TMEM38B: variants seen among roughly 807,000 people sequenced by gnomAD.
TMEM38B encodes trimeric intracellular cation channel type B.
TMEM38B carries 24 observed loss-of-function variants against 28.7 expected under a neutral mutation model. The ratio of observed to expected loss-of-function variants is 0.84; its 90% CI spans 0.61 to 1.18. The LOEUF is 1.18. Ranked by LOEUF, TMEM38B falls within the 50% of genes most tolerant of loss-of-function variation. TMEM38B has a pLI of 0.00. For missense variants in TMEM38B, 380 were observed against 350.9 expected, an observed-to-expected ratio of 1.08 and a Z score of -0.66; for synonymous variants, 131 against 127.7, an observed-to-expected ratio of 1.03 and a Z score of -0.17.
chr9:105,775,633 T>G lies in TMEM38B; in HGVS notation c.*1553T>G, dbSNP rs1275485710. On this transcript the variant is annotated 3_prime_UTR_variant, in exon 6 of 6. Coordinates refer to ENST00000374692, the MANE Select transcript of TMEM38B (RefSeq NM_018112.3). Reference sequence around the variant, plus strand: ...TATTTTTAATATTGTGACAGAAAGCTTTAAGTATTTAAGAGCTCTGTATTA... The same window carrying G: ...TATTTTTAATATTGTGACAGAAAGCGTTAAGTATTTAAGAGCTCTGTATTA... 2.0e-5 allele frequency: 3 copies of G among 152,096 alleles called. No homozygotes were observed. The highest frequency in any genetic ancestry group is 4.4e-5 in the Non-Finnish European group (3 of 68,006). 9.4% of individuals were successfully genotyped at this position (152,096 alleles called of 1,614,324 possible).
chr9:105,721,764 G>A (rs1444326785), intron 3 of TMEM38B, 43 bp downstream of exon 3: 3 of 1,442,838 alleles, frequency 2.1e-6, no homozygotes, highest in Non-Finnish European at 1.9e-6. Context: ...TGTTGTTGGT[G>A]TATTATTAAT....
chr9:105,770,361 A>G (rs1344555829), intron 5 of TMEM38B, among the ~76,000 whole-genome samples: 3 of 152,154 alleles, frequency 2.0e-5, no homozygotes, highest in East Asian at 3.9e-4. Flanking sequence ...TTTTTAATAT[A>G]TATTTGTTGA....
At chr9:105,695,142 T>G (rs924477024) in intron 1 of TMEM38B, among the ~76,000 whole-genome samples, 2 of 143,384 alleles carry the variant, frequency 1.4e-5, no homozygotes, top group Admixed American at 1.3e-4. Flanking sequence ...TTGGGCGGCC[T>G]CCTCGCGGTA....
intron 5 of TMEM38B, among the ~76,000 whole-genome samples, chr9:105,763,559 T>G (rs1426743823): frequency 1.3e-5 from 2 of 151,968 alleles, no homozygotes; most frequent in Non-Finnish European, 2.9e-5. Context: ...GAATAGACAA[T>G]AACAGGAGCT....
At chr9:105,748,421 G>C (rs1399072198) in intron 5 of TMEM38B, among the ~76,000 whole-genome samples, 1 of 152,176 alleles carries the variant, frequency 6.6e-6, no homozygotes, top group Non-Finnish European at 1.5e-5. Context: ...AGATAGCCTA[G>C]TAGTATATTG....
At chr9:105,705,851 G>GC in intron 2 of TMEM38B, 98 bp downstream of exon 2, 1 of 1,315,840 alleles carries the variant, frequency 7.6e-7, no homozygotes, top group Non-Finnish European at 1.0e-6. Context: ...TATTTTACGT[G>GC]CTTGAAAAGT....
intron 4 of TMEM38B, among the ~76,000 whole-genome samples, chr9:105,747,772 T>C (rs1837476797): frequency 6.6e-6 from 1 of 152,166 alleles, no homozygotes; most frequent in Admixed American, 6.5e-5. Context: ...TTCTGGTATG[T>C]TGTGTCGTTG....
intron 3 of TMEM38B, among the ~76,000 whole-genome samples, chr9:105,721,981 T>A (rs932039546): frequency 6.6e-6 from 1 of 152,212 alleles, no homozygotes; most frequent in Non-Finnish European, 1.5e-5. Flanking sequence ...ACCAGAAAGA[T>A]TTATAGTTAA....
intron 2 of TMEM38B, among the ~76,000 whole-genome samples, chr9:105,707,849 A>G (rs1242752262): frequency 6.6e-6 from 1 of 152,172 alleles, no homozygotes; most frequent in Non-Finnish European, 1.5e-5. Context: ...ACCATCTCTT[A>G]AAGTGTAGTC....
At chr9:105,724,672 A>G (rs1251559315) in intron 4 of TMEM38B, among the ~76,000 whole-genome samples, 3 of 152,086 alleles carry the variant, frequency 2.0e-5, no homozygotes, top group African/African-American at 7.2e-5. Flanking sequence ...GTGATGAAGT[A>G]CATTTGTGTG....
At position 105,721,687 on chromosome 9, in the gene TMEM38B, C is replaced by CT. The variant is rs1458477943; in HGVS notation, c.421dup (p.Trp141LeufsTer22). ...ATGCTAATAGCTATTACAAAAATGGCTGGATAGTCATGATAGCTATTGGAT... is the reference window on the plus strand; with the variant it reads ...ATGCTAATAGCTATTACAAAAATGGCTTGGATAGTCATGATAGCTATTGGAT... On this transcript the variant is annotated frameshift_variant, in exon 3 of 6. Transcript: ENST00000374692. LOFTEE classifies it high-confidence loss of function. The CT allele has an allele frequency of 6.2e-7, 1 of 1,612,798 alleles. No individual in the cohort carries two copies. The highest frequency in any genetic ancestry group is 1.3e-5 in the African/African-American group (1 of 74,964).
At chr9:105,747,778 C>T (rs1371013859) in intron 4 of TMEM38B, among the ~76,000 whole-genome samples, 2 of 151,998 alleles carry the variant, frequency 1.3e-5, no homozygotes, top group South Asian at 2.1e-4. Context: ...TATGTTGTGT[C>T]GTTGTTCTCG....
chr9:105,773,300 G>T (rs149567621), intron 5 of TMEM38B, among the ~76,000 whole-genome samples: 7 of 152,112 alleles, frequency 4.6e-5, no homozygotes, highest in African/African-American at 1.4e-4. Context: ...TCTACAATCT[G>T]TTGAGGGTAG....
intron 5 of TMEM38B, 114 bp downstream of exon 5, chr9:105,748,304 G>T: frequency 1.3e-6 from 1 of 744,448 alleles, no homozygotes; most frequent in Non-Finnish European, 2.2e-6. Flanking sequence ...TATTATCTAA[G>T]AGGAATAATT....
intron 5 of TMEM38B, among the ~76,000 whole-genome samples, chr9:105,761,290 T>A (rs1437650281): frequency 2.0e-5 from 3 of 152,306 alleles, no homozygotes; most frequent in African/African-American, 7.2e-5. Flanking sequence ...TATGTGTTTT[T>A]AAAATATGTG....
At chr9:105,731,227 C>A (rs2133591457) in intron 4 of TMEM38B, among the ~76,000 whole-genome samples, 1 of 152,060 alleles carries the variant, frequency 6.6e-6, no homozygotes, top group East Asian at 1.9e-4. Flanking sequence ...CCTCTACACA[C>A]CACTTTAAAT....
intron 1 of TMEM38B, 144 bp from the exon 2 acceptor site, chr9:105,705,453 A>G: frequency 3.7e-6 from 3 of 817,748 alleles, no homozygotes; most frequent in Non-Finnish European, 3.6e-6. Context: ...ATGATTTTTA[A>G]TGATTTTGAC....
rs1835215059 is a variant in TMEM38B, at chr9:105,694,707, C to G, written c.47C>G (p.Ser16Cys). 1 of 1,613,942 alleles carries G rather than the reference C, an allele frequency of 6.2e-7. No homozygotes were observed. Among genetic ancestry groups the G allele is most frequent in the Non-Finnish European group, 8.5e-7 (1 of 1,179,948 alleles). ...TTGGCTCTGGCCTTCTCCCGCACGT[C>G]CATGTTTCCCTTTTTTGACATCGCG... ...DELALAFSRT[S>C]MFPFFDIAHY... Residue 16 changes from serine to cysteine, a missense_variant, in exon 1 of 6, where the codon TCC becomes TGC. Physicochemically the swap from Ser to Cys is moderately radical, Grantham distance 112 (BLOSUM62 -1). Coordinates refer to ENST00000374692, the MANE Select transcript of TMEM38B (RefSeq NM_018112.3).
intron 4 of TMEM38B, among the ~76,000 whole-genome samples, chr9:105,732,916 C>G (rs994044283): frequency 6.6e-6 from 1 of 152,130 alleles, no homozygotes; most frequent in African/African-American, 2.4e-5. Context: ...GCCATTTTCA[C>G]AATATTGATT....
Sources: allele counts gnomAD v4.1 joint callset (sites outside exome capture counted in the v4.1 genomes callset), GRCh38; gene constraint gnomAD v4.1.1; transcripts MANE v1.5; gene names NCBI Gene and HGNC (gene_info 2026-07-23, HGNC 2026-07-21).